TLN2: variants seen among roughly 807,000 people sequenced by gnomAD.
The protein encoded by TLN2 is talin-2.
TLN2 carries 118 observed loss-of-function variants against 294.7 expected under a neutral mutation model. The ratio of observed to expected loss-of-function variants is 0.40; its 90% CI spans 0.34 to 0.47. The LOEUF (loss-of-function observed/expected upper bound fraction) is 0.47. Among genes scored for constraint, TLN2 ranks in the 20% least tolerant of loss-of-function variants. TLN2 has a pLI of 0.84. For synonymous variants in TLN2, 1,431 were observed against 1,304.5 expected, an observed-to-expected ratio of 1.10 and a Z score of -2.09; for missense variants, 3,083 against 3,282.2, an observed-to-expected ratio of 0.94 and a Z score of 1.48.
intron 45 of TLN2, among the ~76,000 whole-genome samples, chr15:62,785,650 C>CAA (rs10681127): frequency 0.91 from 109,935 of 120,154 alleles, 50,444 homozygotes; most frequent in East Asian, 0.95. Flanking sequence ...GACTCCATCT[C>CAA]AAAAAAAAAA....
chr15:62,561,968 C>A (rs573576151), intron 1 of TLN2, among the ~76,000 whole-genome samples: 1 of 152,174 alleles, frequency 6.6e-6, no homozygotes, highest in Non-Finnish European at 1.5e-5. Context: ...CCTGCGTTCA[C>A]GTTTTGAGTT....
intron 2 of TLN2, among the ~76,000 whole-genome samples, chr15:62,590,534 A>G (rs1203426805): frequency 4.6e-5 from 7 of 152,142 alleles, no homozygotes; most frequent in Non-Finnish European, 7.3e-5. Flanking sequence ...CCCACGGTGT[A>G]TATGTACCAC....
chr15:62,406,453 A>G (rs289141), intron 1 of TLN2, among the ~76,000 whole-genome samples: 139,422 of 152,268 alleles, frequency 0.92, 64,507 homozygotes, highest in East Asian at 1. Context: ...TTGGCAGTGC[A>G]ACAGCTCTGT....
rs562117934 is a variant in TLN2, at chr15:62,421,103, C to T, written c.-238+30418C>T. On this transcript the variant is annotated intron_variant, in intron 1 of 58. Coordinates refer to ENST00000636159, the MANE Select transcript of TLN2 (RefSeq NM_015059.3). The stretch of plus-strand genomic sequence containing the variant: ...TTTGAGTTGGTTTGGCGATAATTTC[C>T]AGGCCTTCTCTCTGTAACCAGTTAT... Among the ~76,000 whole-genome samples, 134 of 152,282 alleles carry T rather than the reference C, an allele frequency of 8.8e-4. 2 individuals are homozygous for T. The highest frequency in any genetic ancestry group is 3.2e-3 in the African/African-American group (131 of 41,546).
At chr15:62,756,522 G>T (rs769312657) in intron 37 of TLN2, among the ~76,000 whole-genome samples, 1 of 152,182 alleles carries the variant, frequency 6.6e-6, no homozygotes, top group Non-Finnish European at 1.5e-5. Flanking sequence ...CTTCAAAGGA[G>T]CATTGTCATG....
chr15:62,539,286 C>T (rs2041536987), intron 1 of TLN2, among the ~76,000 whole-genome samples: 1 of 152,126 alleles, frequency 6.6e-6, no homozygotes, highest in East Asian at 1.9e-4. Flanking sequence ...TGTCCTGTTA[C>T]AGTAAATCAT....
At position 62,692,822 on chromosome 15, in the gene TLN2, C is replaced by A. The variant is rs748958718; in HGVS notation, c.1114-18C>A. The A allele has an allele frequency of 1.2e-6, 2 of 1,604,170 alleles. No homozygotes were observed. Among genetic ancestry groups the A allele is most frequent in the South Asian group, 1.1e-5 (1 of 90,512 alleles). On this transcript the variant is annotated intron_variant, in intron 12 of 58. Transcript: ENST00000636159. ...TATATCTGATTTGGCTATATTTCCT[C>A]CATTGCTGTCTTTTCAGGATTTTGG...
At chr15:62,404,094 T>C (rs1480460363) in intron 1 of TLN2, among the ~76,000 whole-genome samples, 5 of 152,170 alleles carry the variant, frequency 3.3e-5, no homozygotes, top group Non-Finnish European at 7.3e-5. Flanking sequence ...TTTCCAGACT[T>C]GAGCTAAGGA....
chr15:62,673,512 T>C (rs2055741895), intron 9 of TLN2, among the ~76,000 whole-genome samples: 3 of 151,232 alleles, frequency 2.0e-5, no homozygotes, highest in Non-Finnish European at 1.5e-5. Flanking sequence ...GTTTTTAAAA[T>C]AAATATTTCC....
chr15:62,779,002 T>G (rs1327057871), intron 43 of TLN2, among the ~76,000 whole-genome samples: 1 of 152,200 alleles, frequency 6.6e-6, no homozygotes, highest in Non-Finnish European at 1.5e-5. Flanking sequence ...CTCTCAGAAT[T>G]TCATTAATTT....
chr15:62,653,255 T>G lies in TLN2; in HGVS notation c.458T>G (p.Leu153Arg). Residue 153 changes from leucine to arginine, a missense_variant, in exon 7 of 59, where the codon CTG (leucine) becomes CGG (arginine). By Grantham distance (102) the Leu-to-Arg change is moderately radical (BLOSUM62 -2). Transcript: ENST00000636159. ...GGCACACTCAAAAAAGACAGGACAC[T>G]GTTACGAGATGAGAGGAAAATGGAG... ...GTGTLKKDRT[L>R]LRDERKMEKL... The G allele has an allele frequency of 6.2e-7, 1 of 1,613,780 alleles. No homozygotes were observed. The highest frequency in any genetic ancestry group is 2.2e-5 in the East Asian group (1 of 44,874).
chr15:62,826,515 C>G (rs2068214429), intron 54 of TLN2, among the ~76,000 whole-genome samples: 1 of 152,164 alleles, frequency 6.6e-6, no homozygotes, highest in Non-Finnish European at 1.5e-5. Flanking sequence ...CTTAGCAGTT[C>G]CAGTTGTTCT....
intron 42 of TLN2, among the ~76,000 whole-genome samples, chr15:62,772,967 C>T (rs187429016): frequency 6.6e-6 from 1 of 152,144 alleles, no homozygotes; most frequent in Admixed American, 6.5e-5. Flanking sequence ...CCTGACCTTT[C>T]TGGATTTTTA....
At chr15:62,681,710 A>G (rs569041820) in intron 11 of TLN2, among the ~76,000 whole-genome samples, 1 of 152,186 alleles carries the variant, frequency 6.6e-6, no homozygotes, top group African/African-American at 2.4e-5. Context: ...TTCCTTAAAG[A>G]GCTCTAATGA....
intron 3 of TLN2, among the ~76,000 whole-genome samples, chr15:62,634,805 G>C (rs7177377): frequency 0.59 from 89,224 of 152,178 alleles, 26,499 homozygotes; most frequent in Middle Eastern, 0.71. Flanking sequence ...AAAGCAGCAC[G>C]TGGCTGCTCA....
At position 62,724,971 on chromosome 15, in the gene TLN2, G is replaced by T; in HGVS notation, c.3127-5G>T. ...GGGTATACATATTTCCAACTCTGTT[G>T]GCAGGCCCATGAAGCTTGTGGTCCG... On this transcript the variant is annotated splice_polypyrimidine_tract_variant and splice_region_variant and intron_variant, in intron 26 of 58. Transcript: ENST00000636159. 1.9e-6 allele frequency: 3 copies of T among 1,609,206 alleles called. No homozygotes were observed. Among genetic ancestry groups the T allele is most frequent in the East Asian group, 2.2e-5 (1 of 44,714 alleles).
At chr15:62,547,537 T>C (rs762581051) in intron 1 of TLN2, among the ~76,000 whole-genome samples, 2 of 152,198 alleles carry the variant, frequency 1.3e-5, no homozygotes, top group Non-Finnish European at 2.9e-5. Flanking sequence ...ACTCCCAGAG[T>C]GCTCCGAAGG....
intron 1 of TLN2, among the ~76,000 whole-genome samples, chr15:62,450,678 T>G (rs944168535): frequency 6.6e-6 from 1 of 152,034 alleles, no homozygotes; most frequent in Non-Finnish European, 1.5e-5. Context: ...GGGCTCAAGA[T>G]ATCCTCCTGC....
Position 62,839,032 on chromosome 15 carries a change from T to C in TLN2, c.7500+51T>C, listed in dbSNP as rs547896118. ...TTTACTTCCCGAGAGAGGTGTTGGG[T>C]TATAACAGAGACAAAAGAATAGTGA... is the stretch of plus-strand genomic sequence containing the variant. On this transcript the variant is annotated intron_variant, in intron 58 of 58. Coordinates refer to ENST00000636159, the MANE Select transcript of TLN2 (RefSeq NM_015059.3). 3.2e-6 allele frequency: 5 copies of C among 1,570,858 alleles called. No homozygotes were observed. The African/African-American group carries it at 8.3e-5, about 26-fold the overall frequency.
Sources: allele counts gnomAD v4.1 joint callset (sites outside exome capture counted in the v4.1 genomes callset), GRCh38; gene constraint gnomAD v4.1.1; transcripts MANE v1.5; gene names NCBI Gene and HGNC (gene_info 2026-07-23, HGNC 2026-07-21).